The following RER1 variants were observed in gnomAD, a reference collection of about 807,000 sequenced individuals.
The protein encoded by RER1 is protein RER1.
A neutral mutation model predicts 28.3 loss-of-function variants in RER1; 6 were observed. That is an observed-to-expected ratio of 0.21 (90% CI 0.12 to 0.42). RER1 has a LOEUF of 0.42. Among genes scored for constraint, RER1 ranks in the 10% least tolerant of loss-of-function variants. The pLI, the probability that RER1 is intolerant of heterozygous loss-of-function variation, is 1.00. For missense variants in RER1, 159 were observed against 252.9 expected, an observed-to-expected ratio of 0.63 and a Z score of 2.52; for synonymous variants, 110 against 95.9, an observed-to-expected ratio of 1.15 and a Z score of -0.86.
intron 5 of RER1, chr1:2,401,994 G>C (rs1642869451): frequency 2.6e-5 from 39 of 1,483,990 alleles, no homozygotes; most frequent in Non-Finnish European, 3.4e-5. Context: ...TTTCAAGGGA[G>C]TAAGAGAAGG....
At chr1:2,397,031 A>G (rs1180231691) in intron 2 of RER1, 85 bp from the exon 3 acceptor site, 5 of 833,536 alleles carry the variant, frequency 6.0e-6, no homozygotes, top group Non-Finnish European at 1.0e-5. Flanking sequence ...TTGAAAGCCA[A>G]CCCTAGCAGA....
Position 2,403,786 on chromosome 1 carries a change from C to T in RER1, c.*662C>T, listed in dbSNP as rs770573398. 18 of 152,428 alleles carry T rather than the reference C, an allele frequency of 1.2e-4. No homozygotes were observed. Among genetic ancestry groups the T allele is most frequent in the African/African-American group, 3.9e-4 (16 of 41,404 alleles). The allele number at this position is 152,428 out of a possible 1,614,324, so 9.4% of individuals were successfully genotyped here. A position where few individuals can be genotyped will look rare whatever the true frequency, so the allele number is the denominator to read the frequency against. The stretch of plus-strand genomic sequence containing the variant: ...ATTATTTTGACACATTTCTTTGATA[C>T]GTAGAGTGTTTTGTTTTTAATTTAA... On this transcript the variant is annotated 3_prime_UTR_variant, in exon 7 of 7. Coordinates refer to ENST00000605895, the MANE Select transcript of RER1 (RefSeq NM_007033.5).
At chr1:2,395,680 C>A in intron 1 of RER1, 104 bp from the exon 2 acceptor site, 1 of 814,248 alleles carries the variant, frequency 1.2e-6, no homozygotes, top group Non-Finnish European at 2.1e-6. Context: ...GGACAAAATA[C>A]TGAATGTGGA....
Position 2,399,900 on chromosome 1 carries a change from C to T in RER1, c.286+386C>T, listed in dbSNP as rs1026525475. ...TGACGAGGTTACCTTTTCCCGTAGC[C>T]AGAGGGTTCCACAGGCAGCTCACTG... On this transcript the variant is annotated intron_variant, in intron 4 of 6. Transcript: ENST00000605895. Among the ~76,000 whole-genome samples, 14 of 152,222 alleles carry T rather than the reference C, an allele frequency of 9.2e-5. 1 individual carries two copies. The highest frequency in any genetic ancestry group is 5.2e-4 in the Admixed American group (8 of 15,282).
At position 2,404,488 on chromosome 1, in the gene RER1, TGC is replaced by T. The variant is rs1195444234; in HGVS notation, c.*1365_*1366del. 1 of 152,198 alleles carries T rather than the reference TGC, an allele frequency of 6.6e-6. No homozygotes were observed. Among genetic ancestry groups the T allele is most frequent in the Non-Finnish European group, 1.5e-5 (1 of 68,042 alleles). The allele number at this position is 152,198 out of a possible 1,614,324, so 9.4% of individuals were successfully genotyped here. ...GAGCACAGTGAAGCAAAGGACTGGG[TGC>T]TGATGGATGGAGCCACGGCGGCATC... On this transcript the variant is annotated 3_prime_UTR_variant, in exon 7 of 7. Transcript: ENST00000605895.
chr1:2,402,085 T>C (rs1358010763), intron 5 of RER1, 122 bp from the exon 6 acceptor site: 1 of 1,605,964 alleles, frequency 6.2e-7, no homozygotes, highest in Non-Finnish European at 8.5e-7. Context: ...GGTAGACCCC[T>C]CCTTTCCACA....
intron 1 of RER1, chr1:2,393,946 G>A (rs927474114): frequency 6.6e-6 from 1 of 152,156 alleles, no homozygotes; most frequent in Non-Finnish European, 1.5e-5. Context: ...ACCCTTTGGC[G>A]GGAGAGCTGG....
chr1:2,402,690 G>A lies in RER1; in HGVS notation c.502-345G>A, dbSNP rs536955587. On this transcript the variant is annotated intron_variant, in intron 6 of 6. Coordinates refer to ENST00000605895, the MANE Select transcript of RER1 (RefSeq NM_007033.5). ...GGAGGGTGTTAGGGGGAAGTTAGCCGAGACTGCGGACTGTGCCCTTGACGG... is the reference window on the plus strand; with the variant it reads ...GGAGGGTGTTAGGGGGAAGTTAGCCAAGACTGCGGACTGTGCCCTTGACGG... Among the ~76,000 whole-genome samples the A allele has an allele frequency of 3.3e-5, 5 of 152,360 alleles. No individual in the cohort carries two copies. In the South Asian group the frequency reaches 6.2e-4, roughly 19 times the overall value.
At position 2,404,014 on chromosome 1, in the gene RER1, A is replaced by T. The variant is rs1642916972; in HGVS notation, c.*890A>T. On this transcript the variant is annotated 3_prime_UTR_variant, in exon 7 of 7. Coordinates refer to ENST00000605895, the MANE Select transcript of RER1 (RefSeq NM_007033.5). ...CTTTACTAAAGTCTTTACCTAAAAC[A>T]TGGCAGTCGCTGGACACAGGAAAGC... 1 of 152,252 alleles carries T rather than the reference A, an allele frequency of 6.6e-6. No homozygotes were observed. Among genetic ancestry groups the T allele is most frequent in the Admixed American group, 6.5e-5 (1 of 15,290 alleles). 9.4% of individuals were successfully genotyped at this position (152,252 alleles called of 1,614,324 possible).
rs1033265025 is a variant in RER1 at position 2,403,942 on chromosome 1, G to A, written c.*818G>A. The A allele has an allele frequency of 4.6e-5, 7 of 152,292 alleles. No individual in the cohort carries two copies. The highest frequency in any genetic ancestry group is 1.0e-4 in the Non-Finnish European group (7 of 68,048). The allele number at this position is 152,292 out of a possible 1,614,324, so 9.4% of individuals were successfully genotyped here. A position where few individuals can be genotyped will look rare whatever the true frequency, so the allele number is the denominator to read the frequency against. On this transcript the variant is annotated 3_prime_UTR_variant, in exon 7 of 7. Transcript: ENST00000605895. ...ACTTGCATGTCAGCGTTTTTGATTC[G>A]AGAAAAGAAATACTCTCAACGTTTT...
chr1:2,401,651 T>C (rs1286532825), intron 5 of RER1, among the ~76,000 whole-genome samples: 3 of 151,918 alleles, frequency 2.0e-5, no homozygotes, highest in African/African-American at 4.8e-5. Context: ...ATCAGTAAAC[T>C]GAAGGAGCCT....
intron 3 of RER1, among the ~76,000 whole-genome samples, chr1:2,397,633 C>T (rs763947373): frequency 5.9e-5 from 9 of 152,200 alleles, no homozygotes; most frequent in Non-Finnish European, 1.2e-4. Context: ...GTTTATGTAG[C>T]TTTTCCTGAG....
chr1:2,397,298 CCAGT>C, intron 3 of RER1, 78 bp downstream of exon 3: 1 of 941,930 alleles, frequency 1.1e-6, no homozygotes, highest in Middle Eastern at 2.8e-4. Context: ...TGTTGTTGAT[CCAGT>C]CTGTCTTGCA....
At position 2,404,748 on chromosome 1, in the gene RER1, G is replaced by A. The variant is rs1006430876; in HGVS notation, c.*1624G>A. On this transcript the variant is annotated 3_prime_UTR_variant, in exon 7 of 7. Coordinates refer to ENST00000605895, the MANE Select transcript of RER1 (RefSeq NM_007033.5). ...ACGTCAGCAGGGAAATGTGGCACAC[G>A]CCCTCGAGGCATTTTAACACTGCGC... The A allele has an allele frequency of 5.3e-5, 8 of 152,278 alleles. No individual in the cohort carries two copies. The highest frequency in any genetic ancestry group is 8.8e-5 in the Non-Finnish European group (6 of 68,044). The allele number at this position is 152,278 out of a possible 1,614,324, so 9.4% of individuals were successfully genotyped here.
At chr1:2,401,558 C>CA (rs1397406687) in intron 5 of RER1, among the ~76,000 whole-genome samples, 1 of 151,020 alleles carries the variant, frequency 6.6e-6, no homozygotes, top group East Asian at 2.0e-4. Context: ...GTGCAGCCGT[C>CA]AGAGGGACGG....
Position 2,400,947 on chromosome 1 carries a change from C to A in RER1, c.365+12C>A. 6.2e-7 allele frequency: 1 copy of A among 1,604,952 alleles called. No individual in the cohort carries two copies. Among genetic ancestry groups the A allele is most frequent in the Non-Finnish European group, 8.5e-7 (1 of 1,171,610 alleles). On this transcript the variant is annotated intron_variant, in intron 5 of 6. Coordinates refer to ENST00000605895, the MANE Select transcript of RER1 (RefSeq NM_007033.5). ...GAGTTTAAATTTTGGTGAGCTAATT[C>A]TTCACGGTATTTGAAGAGAATTGTG...
intron 3 of RER1, 123 bp downstream of exon 3, chr1:2,397,343 T>C (rs998235342): frequency 1.4e-6 from 1 of 693,392 alleles, no homozygotes; most frequent in Non-Finnish European, 2.7e-6. Context: ...AATTTTCAGC[T>C]AAACGCCAAA....
chr1:2,400,658 C>T (rs1309518309), intron 4 of RER1, among the ~76,000 whole-genome samples, 199 bp from the exon 5 acceptor site: 1 of 152,246 alleles, frequency 6.6e-6, no homozygotes, highest in Non-Finnish European at 1.5e-5. Context: ...TAAAAACATT[C>T]TGATAGCACC....
chr1:2,393,761 C>T (rs1178601007), intron 1 of RER1, among the ~76,000 whole-genome samples: 1 of 152,194 alleles, frequency 6.6e-6, no homozygotes, highest in Non-Finnish European at 1.5e-5. Context: ...GCCGCCCTGC[C>T]TCAGGCTATT....
Sources: allele counts gnomAD v4.1 joint callset (sites outside exome capture counted in the v4.1 genomes callset), GRCh38; gene constraint gnomAD v4.1.1; transcripts MANE v1.5; gene names NCBI Gene and HGNC (gene_info 2026-07-23, HGNC 2026-07-21).